Variants in KCND3 observed in about 807,000 individuals in gnomAD.
KCND3 encodes potassium voltage-gated channel subfamily D member 3.
Under a neutral mutation model 51.1 loss-of-function variants are expected in KCND3, and 9 were observed. The ratio of observed to expected loss-of-function variants is 0.18; its 90% CI spans 0.11 to 0.31. The LOEUF is 0.31. Among genes scored for constraint, KCND3 ranks in the 10% least tolerant of loss-of-function variants. KCND3 has a pLI of 1.00. For missense variants in KCND3, 526 were observed against 903.8 expected (o/e 0.58, Z 5.36); for synonymous variants, 349 against 368.0 (o/e 0.95, Z 0.59).
chr1:111,890,953 G>A (rs761996183), intron 2 of KCND3, among the ~76,000 whole-genome samples: 2 of 152,186 alleles, frequency 1.3e-5, no homozygotes, highest in African/African-American at 2.4e-5. Flanking sequence ...TGTTTCGGGA[G>A]AGTGGTGCAG....
intron 2 of KCND3, among the ~76,000 whole-genome samples, chr1:111,789,152 T>C (rs1664727133): frequency 6.6e-6 from 1 of 152,156 alleles, no homozygotes; most frequent in South Asian, 2.1e-4. Context: ...AAGGCTGCAT[T>C]TCAGAGTGAC....
intron 2 of KCND3, among the ~76,000 whole-genome samples, chr1:111,871,316 T>C (rs12752805): frequency 0.031 from 4,765 of 152,226 alleles, 109 homozygotes; most frequent in East Asian, 0.11. Context: ...TAAGAAGCCA[T>C]TATGATTATC....
intron 2 of KCND3, among the ~76,000 whole-genome samples, chr1:111,956,438 G>C (rs2101918851): frequency 6.6e-6 from 1 of 152,292 alleles, no homozygotes; most frequent in East Asian, 1.9e-4. Flanking sequence ...GTATTAAATA[G>C]CTCCTTTTGA....
intron 2 of KCND3, among the ~76,000 whole-genome samples, chr1:111,956,730 C>T (rs577922678): frequency 3.9e-5 from 6 of 152,232 alleles, no homozygotes; most frequent in South Asian, 2.1e-4. Flanking sequence ...GAAAAGCAGG[C>T]GCAGACCTCA....
At chr1:111,855,354 TC>T (rs571594933) in intron 2 of KCND3, among the ~76,000 whole-genome samples, 1 of 152,100 alleles carries the variant, frequency 6.6e-6, no homozygotes, top group Non-Finnish European at 1.5e-5. Context: ...AGCTAACTCA[TC>T]CCCCTCATCT....
At chr1:111,816,503 G>C (rs1429510031) in intron 2 of KCND3, among the ~76,000 whole-genome samples, 1 of 152,258 alleles carries the variant, frequency 6.6e-6, no homozygotes, top group Admixed American at 6.5e-5. Context: ...GCAGAGGATT[G>C]TGTGGCTCTC....
chr1:111,972,333 C>T lies in KCND3; in HGVS notation c.1106+9288G>A, dbSNP rs536284639. Among the ~76,000 whole-genome samples the T allele has an allele frequency of 2.2e-4, 33 of 151,636 alleles. No individual in the cohort carries two copies. The South Asian group carries it at 4.6e-3, about 21-fold the overall frequency. ...GACTACAGGCGCCCGCCACTACGCCCGGCTAATTTTTTGTATTTTTAGTAG... is the reference window on the plus strand; with the variant it reads ...GACTACAGGCGCCCGCCACTACGCCTGGCTAATTTTTTGTATTTTTAGTAG... On this transcript the variant is annotated intron_variant, in intron 2 of 7. Coordinates refer to ENST00000302127, the MANE Select transcript of KCND3 (RefSeq NM_001378969.1).
At chr1:111,852,050 C>T (rs910520627) in intron 2 of KCND3, among the ~76,000 whole-genome samples, 5 of 152,222 alleles carry the variant, frequency 3.3e-5, no homozygotes, top group African/African-American at 9.6e-5. Context: ...TCACAAAATA[C>T]GTGGGTCACA....
intron 2 of KCND3, among the ~76,000 whole-genome samples, chr1:111,797,110 A>G (rs772392349): frequency 3.3e-5 from 5 of 152,214 alleles, no homozygotes; most frequent in African/African-American, 1.2e-4. Context: ...CTGGGCCCCA[A>G]TCTCAGATTT....
intron 2 of KCND3, among the ~76,000 whole-genome samples, chr1:111,980,409 G>T (rs999938096): frequency 2.0e-5 from 3 of 151,962 alleles, no homozygotes; most frequent in Non-Finnish European, 4.4e-5. Context: ...ATTTTAAAAG[G>T]TCTCGTCACC....
chr1:111,962,450 G>A (rs1673712785), intron 2 of KCND3, among the ~76,000 whole-genome samples: 1 of 152,182 alleles, frequency 6.6e-6, no homozygotes, highest in African/African-American at 2.4e-5. Flanking sequence ...GGGATAGGAG[G>A]AAGTTAGTGC....
intron 2 of KCND3, among the ~76,000 whole-genome samples, chr1:111,810,145 C>A (rs574559290): frequency 1.3e-5 from 2 of 152,158 alleles, no homozygotes; most frequent in African/African-American, 2.4e-5. Flanking sequence ...GTGTGAGGGG[C>A]CTCCTGAATC....
At chr1:111,934,410 T>C (rs1190323552) in intron 2 of KCND3, among the ~76,000 whole-genome samples, 5 of 152,204 alleles carry the variant, frequency 3.3e-5, no homozygotes, top group Non-Finnish European at 7.3e-5. Flanking sequence ...GGGCAGCTGA[T>C]GACCAATAGG....
rs557137829 is a variant in KCND3 at position 111,793,517 on chromosome 1, C to A, written c.1107-6411G>T. 1.7e-3 allele frequency among the ~76,000 whole-genome samples: 264 copies of A among 152,070 alleles called. 1 individual carries two copies. Among genetic ancestry groups the A allele is most frequent in the African/African-American group, 6.1e-3 (255 of 41,556 alleles). ...AAATGCAAATCAAAGCATGTCATTTCCCCTGCTCAAAGCACTTCAATAAAT... is the reference window on the plus strand; with the variant it reads ...AAATGCAAATCAAAGCATGTCATTTACCCTGCTCAAAGCACTTCAATAAAT... On this transcript the variant is annotated intron_variant, in intron 2 of 7. Coordinates refer to ENST00000302127, the MANE Select transcript of KCND3 (RefSeq NM_001378969.1).
At chr1:111,976,914 A>C (rs1674663840) in intron 2 of KCND3, among the ~76,000 whole-genome samples, 1 of 152,206 alleles carries the variant, frequency 6.6e-6, no homozygotes, top group South Asian at 2.1e-4. Context: ...TGCTGCCTGG[A>C]GTGTAGGAAG....
intron 2 of KCND3, among the ~76,000 whole-genome samples, chr1:111,814,806 C>T (rs956879194): frequency 6.6e-6 from 1 of 152,228 alleles, no homozygotes; most frequent in African/African-American, 2.4e-5. Flanking sequence ...AGATCCCATC[C>T]CGACGGCTAT....
chr1:111,778,350 C>A (rs757406747), intron 6 of KCND3, 86 bp downstream of exon 6: 85 of 1,284,514 alleles, frequency 6.6e-5, no homozygotes, highest in Non-Finnish European at 9.0e-5. Context: ...ATGCACAGAA[C>A]CAGGCCGGGG....
At chr1:111,881,189 C>G (rs543603127) in intron 2 of KCND3, among the ~76,000 whole-genome samples, 3 of 152,250 alleles carry the variant, frequency 2.0e-5, no homozygotes, top group Non-Finnish European at 4.4e-5. Context: ...TCCTGTCTCC[C>G]GTTCCTACCC....
chr1:111,958,951 G>C (rs1673487174), intron 2 of KCND3, among the ~76,000 whole-genome samples: 1 of 152,192 alleles, frequency 6.6e-6, no homozygotes. Flanking sequence ...TATGCATCTT[G>C]CTTGTAATTG....
Sources: gnomAD v4.1 joint callset for allele counts (sites outside exome capture counted in the v4.1 genomes callset) on GRCh38, gnomAD v4.1.1 for gene constraint, MANE v1.5 for transcripts, NCBI Gene and HGNC (gene_info 2026-07-23, HGNC 2026-07-21) for gene names.